The following AGAP1 variants were observed in gnomAD, a reference collection of about 807,000 sequenced individuals.
The protein encoded by AGAP1 is arf-GAP with GTPase, ANK repeat and PH domain-containing protein 1.
AGAP1 carries 29 observed loss-of-function variants against 105.3 expected under a neutral mutation model. The ratio of observed to expected loss-of-function variants is 0.28; its 90% confidence interval spans 0.21 to 0.38. The LOEUF is 0.38. AGAP1 is among the 10% of genes least tolerant of loss of function. The pLI is 1.00. For synonymous variants in AGAP1, 509 were observed against 485.9 expected, an observed-to-expected ratio of 1.05 and a Z score of -0.63; for missense variants, 998 against 1,165.1, an observed-to-expected ratio of 0.86 and a Z score of 2.09.
chr2:235,500,231 G>C (rs1004963423), intron 1 of AGAP1, among the ~76,000 whole-genome samples: 1 of 152,096 alleles, frequency 6.6e-6, no homozygotes, highest in African/African-American at 2.4e-5. Flanking sequence ...GAGGACAAAT[G>C]GGTGACAGCC....
At chr2:236,013,132 C>T (rs2056574898) in intron 13 of AGAP1, among the ~76,000 whole-genome samples, 1 of 152,182 alleles carries the variant, frequency 6.6e-6, no homozygotes, top group South Asian at 2.1e-4. Flanking sequence ...AACTAAATCA[C>T]AGCTAGTTTT....
At chr2:236,075,643 AGCTTTGAGGAGCTGCTTTCTCCTCCGCT>A (rs1318117956) in intron 16 of AGAP1, among the ~76,000 whole-genome samples, 1 of 152,040 alleles carries the variant, frequency 6.6e-6, no homozygotes, top group African/African-American at 2.4e-5. Context: ...GCCCCCCAGG[AGCTTTGAGGAGCTGCTTTCTCCTCCGCT>A]GCTTTGAGGA....
intron 1 of AGAP1, among the ~76,000 whole-genome samples, chr2:235,597,387 T>C (rs936000373): frequency 6.6e-6 from 1 of 152,208 alleles, no homozygotes; most frequent in Non-Finnish European, 1.5e-5. Context: ...ATGCAAGGCC[T>C]TGGCCCCTCC....
At chr2:235,761,027 G>A (rs1295480840) in intron 6 of AGAP1, among the ~76,000 whole-genome samples, 1 of 152,160 alleles carries the variant, frequency 6.6e-6, no homozygotes, top group Non-Finnish European at 1.5e-5. Flanking sequence ...GGCACCTGCT[G>A]GCCTTAGCAA....
Position 236,083,609 on chromosome 2 carries a change from CA to C in AGAP1, c.2114+34331del, listed in dbSNP as rs369581698. 7.1e-3 allele frequency among the ~76,000 whole-genome samples: 1,083 copies of C among 152,270 alleles called. 9 individuals carry two copies. Among genetic ancestry groups the C allele is most frequent in the Non-Finnish European group, 0.01 (709 of 68,024 alleles). On this transcript the variant is annotated intron_variant, in intron 16 of 17. Coordinates refer to ENST00000304032, the MANE Select transcript of AGAP1 (RefSeq NM_001037131.3). The surrounding 1 kb of genome is among the most constrained non-coding windows in gnomAD (Gnocchi z 5.3). Reference sequence around the variant, plus strand: ...GCCTACATTAGAAAGAGAAGTACCCCAAATTTGGGAGGCTTTCTTATGATCA... The same window carrying C: ...GCCTACATTAGAAAGAGAAGTACCCCAATTTGGGAGGCTTTCTTATGATCA...
chr2:235,560,247 G>A (rs956294067), intron 1 of AGAP1, among the ~76,000 whole-genome samples: 1 of 152,038 alleles, frequency 6.6e-6, no homozygotes, highest in African/African-American at 2.4e-5. Context: ...TCCCCTCCAC[G>A]GCATGTTTGG....
intron 1 of AGAP1, among the ~76,000 whole-genome samples, chr2:235,509,661 G>A (rs1239489585): frequency 2.6e-5 from 4 of 152,018 alleles, no homozygotes; most frequent in East Asian, 1.9e-4. Flanking sequence ...CCTCATGCCC[G>A]TTTGCAACCT....
rs2059003910 is a variant in AGAP1, at chr2:236,089,310, T to C, written c.2115-30882T>C. Among the ~76,000 whole-genome samples the C allele has an allele frequency of 6.6e-6, 1 of 152,240 alleles. No homozygotes were observed. The highest frequency in any genetic ancestry group is 1.5e-5 in the Non-Finnish European group (1 of 68,046). On this transcript the variant is annotated intron_variant, in intron 16 of 17. Transcript: ENST00000304032. The surrounding 1 kb of genome is among the most constrained non-coding windows in gnomAD (Gnocchi z 5.6). ...ACTGACACACAGTTTCCCTGGGCAT[T>C]GCTACATATTCCTTGCTCTTCCGTA...
intron 9 of AGAP1, among the ~76,000 whole-genome samples, chr2:235,851,846 A>G (rs371280490): frequency 2.0e-5 from 3 of 152,236 alleles, no homozygotes; most frequent in Admixed American, 2.0e-4. Flanking sequence ...CGCACGTCTC[A>G]TCTGCAGTAC....
In AGAP1 at chr2:236,055,739, C is replaced by T. The variant is rs1044158909; in HGVS notation, c.2114+6458C>T. ...ACTACCAATAAAGTTTATACATCCT[C>T]GGCTATGCAAACGCAACAGCTGCTC... On this transcript the variant is annotated intron_variant, in intron 16 of 17. Transcript: ENST00000304032. This position sits in a 1 kb window ranked among gnomAD's most constrained non-coding sequence, Gnocchi z 6.2. 5.9e-5 allele frequency among the ~76,000 whole-genome samples: 9 copies of T among 152,210 alleles called. No homozygotes were observed. The highest frequency in any genetic ancestry group is 1.9e-4 in the East Asian group (1 of 5,192).
intron 5 of AGAP1, among the ~76,000 whole-genome samples, chr2:235,745,831 C>T (rs1036227163): frequency 2.0e-5 from 3 of 152,184 alleles, no homozygotes; most frequent in East Asian, 3.9e-4. Context: ...GTGGCATAAA[C>T]CACAAACATT....
Position 235,596,344 on chromosome 2 carries a change from G to A in AGAP1, c.163+101495G>A, listed in dbSNP as rs964943634. On this transcript the variant is annotated intron_variant, in intron 1 of 17. Transcript: ENST00000304032. The surrounding 1 kb of genome is among the most constrained non-coding windows in gnomAD (Gnocchi z 5.9). The stretch of plus-strand genomic sequence containing the variant: ...TTTTGAGGAAATAGAGTCTCAGACT[G>A]GAGCCCCAAGGACCTTGAGGACAGG... Among the ~76,000 whole-genome samples the A allele has an allele frequency of 1.3e-5, 2 of 152,226 alleles. No homozygotes were observed. Among genetic ancestry groups the A allele is most frequent in the African/African-American group, 4.8e-5 (2 of 41,452 alleles).
chr2:235,783,764 CAGG>C (rs773826097), intron 6 of AGAP1, among the ~76,000 whole-genome samples: 9 of 152,002 alleles, frequency 5.9e-5, no homozygotes, highest in Non-Finnish European at 1.3e-4. Flanking sequence ...AGGAACTCCT[CAGG>C]GGGATATTTT....
At chr2:235,816,707 A>G (rs1391160051) in intron 9 of AGAP1, among the ~76,000 whole-genome samples, 1 of 152,072 alleles carries the variant, frequency 6.6e-6, no homozygotes, top group Non-Finnish European at 1.5e-5. Context: ...CCTGGCCAAC[A>G]TAGCAAAAAC....
At chr2:235,852,491 C>T (rs549398248) in intron 9 of AGAP1, among the ~76,000 whole-genome samples, 9 of 152,262 alleles carry the variant, frequency 5.9e-5, no homozygotes, top group Non-Finnish European at 1.0e-4. Context: ...TGGGTGTTTG[C>T]GAGTACAAAT....
At position 235,744,550 on chromosome 2, in the gene AGAP1, G is replaced by C; in HGVS notation, c.397-148G>C. 1 of 936,538 alleles carries C rather than the reference G, an allele frequency of 1.1e-6. No homozygotes were observed. Among genetic ancestry groups the C allele is most frequent in the South Asian group, 1.5e-5 (1 of 64,732 alleles). The allele number at this position is 936,538 out of a possible 1,614,324, so 58.0% of individuals were successfully genotyped here. A position where few individuals can be genotyped will look rare whatever the true frequency, so the allele number is the denominator to read the frequency against. On this transcript the variant is annotated intron_variant, in intron 4 of 17. Transcript: ENST00000304032. This position sits in a 1 kb window ranked among gnomAD's most constrained non-coding sequence, Gnocchi z 5.2. ...GAGGACGTGGATGCCGTGACAGTGT[G>C]TAAAAGTGACAGTCAAAAGTCAAGC...
chr2:235,824,432 A>G lies in AGAP1; in HGVS notation c.1050+17101A>G, dbSNP rs1209455318. Among the ~76,000 whole-genome samples, 1 of 152,234 alleles carries G rather than the reference A, an allele frequency of 6.6e-6. No homozygotes were observed. The highest frequency in any genetic ancestry group is 1.5e-5 in the Non-Finnish European group (1 of 68,042). Reference sequence around the variant, plus strand: ...ATATTTCAGAGCACTTGGCTACAGTAGCATTGAACTGTGAAGAAATAATGT... The same window carrying G: ...ATATTTCAGAGCACTTGGCTACAGTGGCATTGAACTGTGAAGAAATAATGT... On this transcript the variant is annotated intron_variant, in intron 9 of 17. Transcript: ENST00000304032. This position sits in a 1 kb window ranked among gnomAD's most constrained non-coding sequence, Gnocchi z 5.2.
At chr2:235,779,757 A>G (rs1412276689) in intron 6 of AGAP1, among the ~76,000 whole-genome samples, 1 of 152,198 alleles carries the variant, frequency 6.6e-6, no homozygotes, top group African/African-American at 2.4e-5. Flanking sequence ...TTTTAATTTG[A>G]AAGATACAAT....
At chr2:235,687,581 C>T (rs1408403828) in intron 1 of AGAP1, among the ~76,000 whole-genome samples, 2 of 152,182 alleles carry the variant, frequency 1.3e-5, no homozygotes, top group Non-Finnish European at 2.9e-5. Context: ...ATTTGATAAA[C>T]ATGCAGATAA....
Sources: gnomAD v4.1 joint callset for allele counts (sites outside exome capture counted in the v4.1 genomes callset) on GRCh38, gnomAD v4.1.1 for gene constraint, Gnocchi (gnomAD v3.1) non-coding constraint, MANE v1.5 for transcripts, NCBI Gene and HGNC (gene_info 2026-07-23, HGNC 2026-07-21) for gene names.